The following TMEM116 variants were observed in gnomAD, a reference collection of about 807,000 sequenced individuals.
TMEM116 encodes the protein transmembrane protein 116.
TMEM116 carries 38 observed loss-of-function variants against 44.3 expected under a neutral mutation model. The ratio of observed to expected loss-of-function variants is 0.86; its 90% confidence interval spans 0.66 to 1.12. TMEM116 has a LOEUF of 1.12. TMEM116 is among the 50% of genes most tolerant of loss of function. The pLI, the probability that TMEM116 is intolerant of heterozygous loss-of-function variation, is 0.00. For synonymous variants in TMEM116, 132 were observed against 144.8 expected (o/e 0.91, Z 0.64); for missense variants, 354 against 401.7 (o/e 0.88, Z 1.01).
At chr12:111,959,628 C>T (rs2074427551) in intron 4 of TMEM116, among the ~76,000 whole-genome samples, 1 of 151,998 alleles carries the variant, frequency 6.6e-6, no homozygotes. Context: ...CACACATAGG[C>T]TCAAAATAAA....
chr12:111,990,296 G>A (rs2076484771), intron 4 of TMEM116, among the ~76,000 whole-genome samples: 2 of 150,810 alleles, frequency 1.3e-5, no homozygotes, highest in South Asian at 2.1e-4. Flanking sequence ...TCTGTACCAA[G>A]CACAAAGTAA....
chr12:111,949,672 T>A (rs1055360210), intron 4 of TMEM116, among the ~76,000 whole-genome samples: 1 of 152,238 alleles, frequency 6.6e-6, no homozygotes, highest in African/African-American at 2.4e-5. Context: ...ACACCTGTTA[T>A]TAGACTGTGG....
intron 4 of TMEM116, among the ~76,000 whole-genome samples, chr12:111,980,278 C>A (rs1437814822): frequency 6.6e-6 from 1 of 152,000 alleles, no homozygotes; most frequent in Non-Finnish European, 1.5e-5. Context: ...CCTGGAAGAA[C>A]CTTAAATACA....
At chr12:112,005,602 C>T (rs1223886573) in intron 1 of TMEM116, 7 of 767,854 alleles carry the variant, frequency 9.1e-6, no homozygotes, top group Non-Finnish European at 1.1e-5. Context: ...AGGCTCATAC[C>T]TGTAATCCCG....
intron 4 of TMEM116, chr12:111,978,678 A>T: frequency 8.5e-6 from 3 of 351,584 alleles, no homozygotes; most frequent in South Asian, 6.5e-5. Context: ...TCTTGTCTCC[A>T]CTATGTTTGG....
chr12:111,935,075 G>C (rs1274365110), intron 8 of TMEM116: 1 of 152,124 alleles, frequency 6.6e-6, no homozygotes, highest in Non-Finnish European at 1.5e-5. Context: ...ACGTCTAAAA[G>C]AATCAGTTCA....
rs372915181 is a variant in TMEM116 at position 111,985,310 on chromosome 12, TCAAA to T, written c.210+6444_210+6447del. ...CACACACACACACACACGCAACTGTTCAAACAAATAATAGAATTCAGCCAAGTAG... is the reference window on the plus strand; with the variant it reads ...CACACACACACACACACGCAACTGTTCAAATAATAGAATTCAGCCAAGTAG... On this transcript the variant is annotated intron_variant, in intron 4 of 10. Transcript: ENST00000552374. Among the ~76,000 whole-genome samples the T allele has an allele frequency of 0.016, 2,393 of 151,862 alleles. 132 individuals carry two copies. The South Asian group carries it at 0.18, about 12-fold the overall frequency.
At chr12:111,988,581 C>T (rs1288804608) in intron 4 of TMEM116, among the ~76,000 whole-genome samples, 1 of 151,974 alleles carries the variant, frequency 6.6e-6, no homozygotes, top group Admixed American at 6.6e-5. Context: ...TGCCTGTAGT[C>T]CCAGCTACTC....
rs531736386 is a variant in TMEM116, at chr12:112,000,776, T to C, written c.78+3024A>G. The C allele has an allele frequency of 1.3e-5, 7 of 536,952 alleles. No individual in the cohort carries two copies. In the Admixed American group the frequency reaches 1.4e-4, roughly 10 times the overall value. 33.3% of individuals were successfully genotyped at this position (536,952 alleles called of 1,614,324 possible). A position where few individuals can be genotyped will look rare whatever the true frequency, so the allele number is the denominator to read the frequency against. ...AAAGTAACACAATTGCAATTGAGTTTACTATTATCAATGGCATTCTCATCA... is the reference window on the plus strand; with the variant it reads ...AAAGTAACACAATTGCAATTGAGTTCACTATTATCAATGGCATTCTCATCA... On this transcript the variant is annotated intron_variant, in intron 3 of 10. Transcript: ENST00000552374.
chr12:111,933,449 A>T (rs1164377346), intron 9 of TMEM116, among the ~76,000 whole-genome samples: 9 of 151,828 alleles, frequency 5.9e-5, no homozygotes, highest in Non-Finnish European at 1.3e-4. Flanking sequence ...TAGGGCCCAT[A>T]CAAATTTTAT....
At chr12:111,948,713 ATTTT>A (rs1304056960) in intron 4 of TMEM116, among the ~76,000 whole-genome samples, 2 of 152,206 alleles carry the variant, frequency 1.3e-5, no homozygotes, top group Non-Finnish European at 2.9e-5. Flanking sequence ...GCATATATTT[ATTTT>A]AATTTTATAC....
chr12:112,002,666 C>T (rs2077326498), intron 3 of TMEM116, among the ~76,000 whole-genome samples: 2 of 152,294 alleles, frequency 1.3e-5, no homozygotes, highest in Admixed American at 1.3e-4. Flanking sequence ...CCACAATTTC[C>T]TCTTTTGTGA....
Position 111,931,694 on chromosome 12 carries a change from C to T in TMEM116, c.941G>A (p.Arg314Lys), listed in dbSNP as rs765804760. The change falls in exon 11 of 11, where the codon AGA becomes AAA. Residue 314 changes from arginine to lysine, a missense_variant. Physicochemically the swap from Arg to Lys is conservative, Grantham distance 26 (BLOSUM62 2). Coordinates refer to ENST00000552374, the MANE Select transcript of TMEM116 (RefSeq NM_001193531.2). ...TGAATTTAAGCCCCTGCTATAGAAT[C>T]TCTTCTGTGAGCATAATAATGGTGT... ...TQTPLLCSQK[R>K]FYSRGLNSLE... The T allele has an allele frequency of 1.5e-5, 25 of 1,613,936 alleles. 1 individual carries two copies. The South Asian group carries it at 2.5e-4, about 16-fold the overall frequency.
intron 4 of TMEM116, among the ~76,000 whole-genome samples, chr12:111,959,328 T>G (rs756020979): frequency 2.6e-5 from 4 of 152,206 alleles, no homozygotes; most frequent in African/African-American, 9.6e-5. Context: ...AGGCCTGCCT[T>G]ACAAGAGCTC....
chr12:111,962,131 G>A (rs889282516), intron 4 of TMEM116, among the ~76,000 whole-genome samples: 2 of 152,138 alleles, frequency 1.3e-5, no homozygotes, highest in African/African-American at 4.8e-5. Flanking sequence ...ACCTCTTCAA[G>A]AAGAACTACA....
intron 4 of TMEM116, among the ~76,000 whole-genome samples, chr12:111,954,922 G>A (rs183454081): frequency 6.6e-6 from 1 of 152,318 alleles, no homozygotes; most frequent in Admixed American, 6.5e-5. Context: ...ATCAGTCAGG[G>A]TGGTGGGAAA....
rs1221214663 is a variant in TMEM116, at chr12:111,943,409, T to C, written c.211-40A>G. The C allele has an allele frequency of 1.1e-5, 15 of 1,399,840 alleles. No homozygotes were observed. In the African/African-American group the frequency reaches 1.7e-4, roughly 16 times the overall value. The allele number at this position is 1,399,840 out of a possible 1,614,324, so 86.7% of individuals were successfully genotyped here. Reference sequence around the variant, plus strand: ...AAACAACCCATCATAACTATCTCACTCTGACACTGTGAAGTTCTTTCAACA... The same window carrying C: ...AAACAACCCATCATAACTATCTCACCCTGACACTGTGAAGTTCTTTCAACA... On this transcript the variant is annotated intron_variant, in intron 4 of 10. Coordinates refer to ENST00000552374, the MANE Select transcript of TMEM116 (RefSeq NM_001193531.2).
At chr12:111,938,071 G>T in intron 6 of TMEM116, 90 bp downstream of exon 6, 2 of 786,726 alleles carry the variant, frequency 2.5e-6, no homozygotes, top group Non-Finnish European at 4.0e-6. Flanking sequence ...ACTGACAATG[G>T]AAATAAAGGG....
chr12:112,000,974 G>T, intron 3 of TMEM116: 1 of 323,736 alleles, frequency 3.1e-6, no homozygotes, highest in South Asian at 2.6e-5. Context: ...GTCAGTACAA[G>T]GTAAAGGCCA....
Sources: gnomAD v4.1 joint callset for allele counts (sites outside exome capture counted in the v4.1 genomes callset) on GRCh38, gnomAD v4.1.1 for gene constraint, MANE v1.5 for transcripts, NCBI Gene and HGNC (gene_info 2026-07-23, HGNC 2026-07-21) for gene names.